Variants in CPNE4 observed in about 807,000 individuals in gnomAD.
The protein encoded by CPNE4 is copine 4.
In CPNE4, 25 loss-of-function variants were observed where a neutral mutation model predicts 67.9. That is an observed-to-expected ratio of 0.37 (90% CI 0.27 to 0.51). The LOEUF (loss-of-function observed/expected upper bound fraction) is 0.51, where lower values mean the gene tolerates loss of function less well. Among genes scored for constraint, CPNE4 ranks in the 20% least tolerant of loss-of-function variants. The pLI, the probability that CPNE4 is intolerant of heterozygous loss-of-function variation, is 0.93. For synonymous variants in CPNE4, 242 were observed against 244.9 expected (o/e 0.99, Z 0.11); for missense variants, 464 against 690.8 (o/e 0.67, Z 3.68).
intron 7 of CPNE4, among the ~76,000 whole-genome samples, chr3:131,606,548 C>T (rs1256972314): frequency 2.6e-5 from 4 of 152,158 alleles, no homozygotes; most frequent in South Asian, 2.1e-4. Flanking sequence ...CACTACTATT[C>T]GTCATGGTCC....
At chr3:131,745,801 T>C (rs1440760795) in intron 2 of CPNE4, among the ~76,000 whole-genome samples, 2 of 152,160 alleles carry the variant, frequency 1.3e-5, no homozygotes, top group African/African-American at 2.4e-5. Context: ...ACTGTTGCTA[T>C]ATGGTAATTC....
intron 1 of CPNE4, among the ~76,000 whole-genome samples, chr3:131,982,352 A>G (rs1412171064): frequency 6.6e-6 from 1 of 152,232 alleles, no homozygotes; most frequent in African/African-American, 2.4e-5. Flanking sequence ...TGAAGATATC[A>G]GAATTCTTAA....
intron 7 of CPNE4, among the ~76,000 whole-genome samples, chr3:131,644,321 G>A (rs933363785): frequency 6.6e-6 from 1 of 151,882 alleles, no homozygotes; most frequent in African/African-American, 2.4e-5. Context: ...CTAGTTTTTT[G>A]TATTTTTATT....
At chr3:131,903,597 T>A (rs899653701) in intron 2 of CPNE4, among the ~76,000 whole-genome samples, 1 of 152,098 alleles carries the variant, frequency 6.6e-6, no homozygotes, top group African/African-American at 2.4e-5. Flanking sequence ...AGCTCCAATG[T>A]ATGGGTTTAA....
chr3:131,982,684 C>T (rs1482284163), intron 1 of CPNE4, among the ~76,000 whole-genome samples: 1 of 152,036 alleles, frequency 6.6e-6, no homozygotes, highest in Non-Finnish European at 1.5e-5. Flanking sequence ...TAAGAAAGTA[C>T]ATATTGATTT....
At chr3:131,855,656 T>C (rs2086413134) in intron 2 of CPNE4, among the ~76,000 whole-genome samples, 1 of 151,936 alleles carries the variant, frequency 6.6e-6, no homozygotes, top group African/African-American at 2.4e-5. Context: ...CTGGAGTTTC[T>C]GTTTTGATCG....
At chr3:132,011,123 A>G (rs1471313349) in intron 1 of CPNE4, among the ~76,000 whole-genome samples, 1 of 152,200 alleles carries the variant, frequency 6.6e-6, no homozygotes, top group Non-Finnish European at 1.5e-5. Context: ...ACTTTGTGCA[A>G]ATTAGCAAAG....
At chr3:131,685,570 T>A (rs948390090) in intron 6 of CPNE4, among the ~76,000 whole-genome samples, 1 of 152,008 alleles carries the variant, frequency 6.6e-6, no homozygotes, top group African/African-American at 2.4e-5. Context: ...GATCATGAGG[T>A]CAGGAGTTCA....
chr3:131,916,760 G>A (rs2089197786), intron 1 of CPNE4, among the ~76,000 whole-genome samples: 3 of 152,136 alleles, frequency 2.0e-5, no homozygotes, highest in African/African-American at 7.2e-5. Flanking sequence ...ACTGTGGCTA[G>A]GGCAATTGAG....
chr3:131,985,538 C>T (rs2073021404), intron 1 of CPNE4, among the ~76,000 whole-genome samples: 2 of 152,022 alleles, frequency 1.3e-5, no homozygotes, highest in Middle Eastern at 3.2e-3. Flanking sequence ...CTATGATTGC[C>T]CAAATAGGAG....
At chr3:132,019,272 A>G (rs940929981) in intron 1 of CPNE4, among the ~76,000 whole-genome samples, 5 of 152,194 alleles carry the variant, frequency 3.3e-5, no homozygotes, top group Non-Finnish European at 7.3e-5. Flanking sequence ...AAATATTAGC[A>G]TCTTCACTTC....
chr3:131,697,946 A>G (rs996707788), intron 4 of CPNE4, among the ~76,000 whole-genome samples: 2 of 152,066 alleles, frequency 1.3e-5, no homozygotes, highest in African/African-American at 4.8e-5. Context: ...CTTAAAATTA[A>G]ATGGGGCCAG....
Position 131,990,026 on chromosome 3 carries a change from A to T in CPNE4, c.-2+44541T>A, listed in dbSNP as rs2073141028. On this transcript the variant is annotated intron_variant, in intron 1 of 15. Coordinates refer to ENST00000429747, the MANE Select transcript of CPNE4 (RefSeq NM_130808.3). ...ATAATGAAAATAATGGATTATTGTG[A>T]ATTTGTAGCCAAAGCCCACATTCTC... Among the ~76,000 whole-genome samples the T allele has an allele frequency of 1.5e-5, 2 of 136,336 alleles. 1 individual carries two copies. The highest frequency in any genetic ancestry group is 3.3e-5 in the Non-Finnish European group (2 of 60,040). 89.4% of individuals were successfully genotyped at this position (136,336 alleles called of 152,430 possible). A position where few individuals can be genotyped will look rare whatever the true frequency, so the allele number is the denominator to read the frequency against.
rs1560369498 is a variant in CPNE4, at chr3:131,810,774, T to C, written c.181-87149A>G. 2.0e-5 allele frequency among the ~76,000 whole-genome samples: 3 copies of C among 152,062 alleles called. No homozygotes were observed. In the East Asian group the frequency reaches 5.8e-4, roughly 29 times the overall value. On this transcript the variant is annotated intron_variant, in intron 2 of 15. Transcript: ENST00000429747. ...CATTGTTCACAGTAGCCAAGATATG[T>C]AAACAACCTAAACATTCATGGATAG...
intron 1 of CPNE4, among the ~76,000 whole-genome samples, chr3:132,011,137 C>T (rs1197812437): frequency 1.3e-5 from 2 of 152,162 alleles, no homozygotes; most frequent in Non-Finnish European, 2.9e-5. Flanking sequence ...AGCAAAGTCA[C>T]CCTACATGGA....
At chr3:131,965,489 G>A (rs2072317025) in intron 1 of CPNE4, among the ~76,000 whole-genome samples, 1 of 152,156 alleles carries the variant, frequency 6.6e-6, no homozygotes, top group South Asian at 2.1e-4. Flanking sequence ...CATCTCACAT[G>A]CAAAGACACA....
chr3:131,834,742 T>C (rs936188506), intron 2 of CPNE4, among the ~76,000 whole-genome samples: 13 of 152,120 alleles, frequency 8.5e-5, no homozygotes, highest in African/African-American at 2.4e-4. Context: ...AAAAAAACTA[T>C]AGATTTATGC....
Position 131,696,522 on chromosome 3 carries a change from G to A in CPNE4, c.507+20C>T, listed in dbSNP as rs1376741404. 2.5e-6 allele frequency: 4 copies of A among 1,609,862 alleles called. No individual in the cohort carries two copies. Among genetic ancestry groups the A allele is most frequent in the African/African-American group, 1.3e-5 (1 of 74,810 alleles). Reference sequence around the variant, plus strand: ...TAGCTTTGTTACTTCCTTCAATAAGGTTAATGCCAAACGCTTTACCTTGTC... The same window carrying A: ...TAGCTTTGTTACTTCCTTCAATAAGATTAATGCCAAACGCTTTACCTTGTC... On this transcript the variant is annotated intron_variant, in intron 5 of 15. Transcript: ENST00000429747.
chr3:131,972,641 G>T (rs1267934851), intron 1 of CPNE4, among the ~76,000 whole-genome samples: 2 of 152,156 alleles, frequency 1.3e-5, no homozygotes, highest in Non-Finnish European at 2.9e-5. Context: ...GGACCTAGTT[G>T]AAGACACAAA....
Sources: gnomAD v4.1 joint callset for allele counts (sites outside exome capture counted in the v4.1 genomes callset) on GRCh38, gnomAD v4.1.1 for gene constraint, MANE v1.5 for transcripts, NCBI Gene and HGNC (gene_info 2026-07-23, HGNC 2026-07-21) for gene names.